The following EIF3B variants were observed in gnomAD, a reference collection of about 807,000 sequenced individuals.
EIF3B encodes the protein eukaryotic translation initiation factor 3 subunit B.
In EIF3B, 10 loss-of-function variants were observed where a neutral mutation model predicts 104.6. That is an observed-to-expected ratio of 0.10 (90% confidence interval 0.06 to 0.16). The LOEUF is 0.16. Among genes scored for constraint, EIF3B ranks in the 10% least tolerant of loss-of-function variants. The pLI is 1.00. For missense variants in EIF3B, 1,014 were observed against 1,087.9 expected (o/e 0.93, Z 0.96); for synonymous variants, 542 against 417.2 (o/e 1.30, Z -3.65).
chr7:2,365,267 C>A (rs534419537), intron 6 of EIF3B, among the ~76,000 whole-genome samples: 3 of 152,174 alleles, frequency 2.0e-5, no homozygotes, highest in Non-Finnish European at 2.9e-5. Context: ...GATTTTTGAT[C>A]TAGCTAATCC....
chr7:2,375,565 A>G, intron 14 of EIF3B, 38 bp downstream of exon 14: 1 of 1,612,736 alleles, frequency 6.2e-7, no homozygotes, highest in Non-Finnish European at 8.5e-7. Context: ...CTGTGGATAG[A>G]AGCAGGGAGT....
At chr7:2,357,413 G>C (rs1182453420) in intron 1 of EIF3B, among the ~76,000 whole-genome samples, 2 of 152,172 alleles carry the variant, frequency 1.3e-5, no homozygotes, top group African/African-American at 4.8e-5. Flanking sequence ...GAGAAGAGCT[G>C]CCCTTCAGGG....
chr7:2,366,276 G>A (rs375624527), intron 6 of EIF3B, 41 bp from the exon 7 acceptor site: 145 of 1,537,344 alleles, frequency 9.4e-5, no homozygotes, highest in Non-Finnish European at 1.1e-4. Context: ...TGATCCTCTC[G>A]TGAGAGGAGG....
chr7:2,356,596 C>A (rs1310745015), intron 1 of EIF3B, among the ~76,000 whole-genome samples: 7 of 141,362 alleles, frequency 5.0e-5, no homozygotes, highest in African/African-American at 1.9e-4. Context: ...GAGCAAGACT[C>A]CGTCTCAAAA....
At chr7:2,371,733 T>G in intron 10 of EIF3B, 44 bp from the exon 11 acceptor site, 6 of 1,415,888 alleles carry the variant, frequency 4.2e-6, no homozygotes, top group Non-Finnish European at 6.0e-6. Flanking sequence ...TTCTCATATT[T>G]TCACTGTCCA....
chr7:2,356,087 G>A (rs1370174285), intron 1 of EIF3B, among the ~76,000 whole-genome samples: 1 of 152,166 alleles, frequency 6.6e-6, no homozygotes, highest in Non-Finnish European at 1.5e-5. Flanking sequence ...TCCTGTCTCA[G>A]AGATTTTTTC....
intron 2 of EIF3B, among the ~76,000 whole-genome samples, chr7:2,362,399 T>G (rs777705490): frequency 3.3e-5 from 5 of 152,186 alleles, no homozygotes; most frequent in Non-Finnish European, 7.3e-5. Context: ...ACGTTTTGAT[T>G]AACTTTTCTA....
At chr7:2,371,018 G>C (rs545296569) in intron 10 of EIF3B, among the ~76,000 whole-genome samples, 2,016 of 152,232 alleles carry the variant, frequency 0.013, 42 homozygotes, top group African/African-American at 0.046. Flanking sequence ...AGCCGAGATT[G>C]CACCACTGCA....
chr7:2,364,461 GAAATTCAAGC>G lies in EIF3B; in HGVS notation c.1097_1106del (p.Lys366ArgfsTer21). 6.2e-7 allele frequency: 1 copy of G among 1,613,302 alleles called. No individual in the cohort carries two copies. Among genetic ancestry groups the G allele is most frequent in the Non-Finnish European group, 8.5e-7 (1 of 1,179,740 alleles). ...GAGGCATTGCTCTATGGGGGGGAGA[GAAATTCAAGC>G]AAATTCAGAGATTCAGCCACCAAGG... On this transcript the variant is annotated frameshift_variant, in exon 6 of 19. Transcript: ENST00000360876. LOFTEE classifies it high-confidence loss of function.
chr7:2,362,856 T>A, intron 3 of EIF3B, 92 bp downstream of exon 3: 2 of 1,566,476 alleles, frequency 1.3e-6, no homozygotes, highest in Non-Finnish European at 1.7e-6. Context: ...TGCTGGTGTC[T>A]GTCAGATTGT....
Position 2,354,831 on chromosome 7 carries a change from C to G in EIF3B, c.-91C>G. ...CGGCCTCCCCGTCGCACGCACATGGCTGGGCTGTAGCCGTCGCGGCGCGCG... is the reference window on the plus strand; with the variant it reads ...CGGCCTCCCCGTCGCACGCACATGGGTGGGCTGTAGCCGTCGCGGCGCGCG... On this transcript the variant is annotated 5_prime_UTR_variant, in exon 1 of 19. Transcript: ENST00000360876. The G allele has an allele frequency of 2.9e-6, 3 of 1,033,006 alleles. No homozygotes were observed. The highest frequency in any genetic ancestry group is 3.5e-6 in the Non-Finnish European group (3 of 860,122). The allele number at this position is 1,033,006 out of a possible 1,614,324, so 64.0% of individuals were successfully genotyped here.
At position 2,355,148 on chromosome 7, in the gene EIF3B, C is replaced by A; in HGVS notation, c.227C>A (p.Ala76Glu). 7.0e-7 allele frequency: 1 copy of A among 1,422,066 alleles called. No individual in the cohort carries two copies. Among genetic ancestry groups the A allele is most frequent in the East Asian group, 3.0e-5 (1 of 33,332 alleles). 88.1% of individuals were successfully genotyped at this position (1,422,066 alleles called of 1,614,324 possible). A position where few individuals can be genotyped will look rare whatever the true frequency, so the allele number is the denominator to read the frequency against. Reference protein sequence around the residue: ...VRTEPAAEAEAASGPSESPSP... With the variant: ...VRTEPAAEAEEASGPSESPSP... ...ACCGAGCCGGCGGCCGAGGCAGAGG[C>A]GGCCTCCGGCCCGTCCGAGTCGCCC... Residue 76 changes from alanine to glutamate, a missense_variant, in exon 1 of 19, where the codon GCG becomes GAG. Ala to Glu is a moderately radical substitution (Grantham distance 107). Transcript: ENST00000360876.
chr7:2,355,751 C>G (rs1779388136), intron 1 of EIF3B, among the ~76,000 whole-genome samples: 1 of 152,090 alleles, frequency 6.6e-6, no homozygotes, highest in Non-Finnish European at 1.5e-5. Context: ...AGTGTAGCAG[C>G]TGGGGGTACG....
chr7:2,366,114 C>T (rs1028096528), intron 6 of EIF3B, among the ~76,000 whole-genome samples: 1 of 152,128 alleles, frequency 6.6e-6, no homozygotes, highest in Non-Finnish European at 1.5e-5. Flanking sequence ...CTTGGAGAAA[C>T]CGGAGCGCCT....
intron 12 of EIF3B, chr7:2,374,292 G>T (rs1780518262): frequency 4.6e-6 from 2 of 432,908 alleles, no homozygotes; most frequent in African/African-American, 3.9e-5. Flanking sequence ...CAGGAAATAA[G>T]ATAGTATTGT....
At chr7:2,363,914 C>G (rs1449852208) in intron 5 of EIF3B, among the ~76,000 whole-genome samples, 154 bp downstream of exon 5, 4 of 152,140 alleles carry the variant, frequency 2.6e-5, no homozygotes, top group African/African-American at 9.7e-5. Context: ...ATTCCTCTTC[C>G]AGCTTTGAAG....
chr7:2,374,297 T>C (rs1009811534), intron 12 of EIF3B: 5 of 446,218 alleles, frequency 1.1e-5, no homozygotes, highest in Non-Finnish European at 2.0e-5. Context: ...AATAAGATAG[T>C]ATTGTTTTGA....
intron 9 of EIF3B, among the ~76,000 whole-genome samples, chr7:2,367,446 A>G (rs1357266631): frequency 6.7e-6 from 1 of 148,824 alleles, no homozygotes; most frequent in African/African-American, 2.5e-5. Flanking sequence ...GGTTTCCTTT[A>G]TTTGCTGTCT....
Position 2,364,485 on chromosome 7 carries a change from C to G in EIF3B, c.1113C>G (p.Phe371Leu). Residue 371 changes from phenylalanine (F) to leucine (L), a missense_variant, in exon 6 of 19, where the codon TTC becomes TTG. Transcript: ENST00000360876. ...AGAAATTCAAGCAAATTCAGAGATTCAGCCACCAAGGGGTTCAGCTTATTG... is the reference window on the plus strand; with the variant it reads ...AGAAATTCAAGCAAATTCAGAGATTGAGCCACCAAGGGGTTCAGCTTATTG... The part of the protein sequence containing the change: ...GGEKFKQIQR[F>L]SHQGVQLIDF... The G allele has an allele frequency of 1.2e-6, 2 of 1,612,882 alleles. No homozygotes were observed. The highest frequency in any genetic ancestry group is 1.7e-6 in the Non-Finnish European group (2 of 1,179,640).
Sources: allele counts gnomAD v4.1 joint callset (sites outside exome capture counted in the v4.1 genomes callset), GRCh38; gene constraint gnomAD v4.1.1; transcripts MANE v1.5; gene names NCBI Gene and HGNC (gene_info 2026-07-23, HGNC 2026-07-21).